CLSTN2: variants seen among roughly 807,000 people sequenced by gnomAD.
The protein encoded by CLSTN2 is calsyntenin-2.
CLSTN2 carries 48 observed loss-of-function variants against 101.2 expected under a neutral mutation model. That is an observed-to-expected ratio of 0.47 (90% CI 0.38 to 0.60). CLSTN2 has a LOEUF of 0.60. Among genes scored for constraint, CLSTN2 ranks in the 20% least tolerant of loss-of-function variants. CLSTN2 has a pLI of 0.00. For missense variants in CLSTN2, 1,160 were observed against 1,238.2 expected (o/e 0.94, Z 0.95); for synonymous variants, 481 against 463.6 (o/e 1.04, Z -0.48).
Position 140,556,628 on chromosome 3 carries a change from G to C in CLSTN2, c.1790G>C (p.Gly597Ala). 1 of 1,614,056 alleles carries C rather than the reference G, an allele frequency of 6.2e-7. No individual in the cohort carries two copies. The highest frequency in any genetic ancestry group is 1.3e-5 in the African/African-American group (1 of 75,026). ...AACTCCAGGCAGTTCCCAACGGCGGGTGTGCGGCGCCTCAAAGTATCCTCC... is the reference window on the plus strand; with the variant it reads ...AACTCCAGGCAGTTCCCAACGGCGGCTGTGCGGCGCCTCAAAGTATCCTCC... ...YINSRQFPTA[G>A]VRRLKVSSKV... The change falls in exon 11 of 17, where the codon GGT becomes GCT. Residue 597 changes from glycine to alanine, a missense_variant. Physicochemically the swap from Gly to Ala is moderately conservative, Grantham distance 60. Coordinates refer to ENST00000458420, the MANE Select transcript of CLSTN2 (RefSeq NM_022131.3).
At chr3:140,439,299 G>C (rs1364680587) in intron 5 of CLSTN2, among the ~76,000 whole-genome samples, 1 of 152,240 alleles carries the variant, frequency 6.6e-6, no homozygotes, top group South Asian at 2.1e-4. Context: ...GAGAGGCCAG[G>C]GAGGAGGGCC....
At chr3:140,245,549 A>C (rs1007080173) in intron 2 of CLSTN2, among the ~76,000 whole-genome samples, 2 of 152,332 alleles carry the variant, frequency 1.3e-5, no homozygotes, top group African/African-American at 4.8e-5. Context: ...CAAATTGTGG[A>C]AGGATAACTG....
chr3:140,119,538 A>G (rs1453854457), intron 1 of CLSTN2, among the ~76,000 whole-genome samples: 1 of 152,186 alleles, frequency 6.6e-6, no homozygotes, highest in Admixed American at 6.5e-5. Flanking sequence ...GTTTTAAGAC[A>G]GGGTCTTGCT....
intron 1 of CLSTN2, among the ~76,000 whole-genome samples, chr3:139,981,066 A>C (rs538973584): frequency 6.6e-6 from 1 of 152,106 alleles, no homozygotes; most frequent in African/African-American, 2.4e-5. Context: ...TTGATTGGGC[A>C]ATCAAAGCTA....
intron 2 of CLSTN2, among the ~76,000 whole-genome samples, chr3:140,373,529 C>T (rs560711336): frequency 6.6e-6 from 1 of 152,212 alleles, no homozygotes; most frequent in Non-Finnish European, 1.5e-5. Flanking sequence ...AGACCAAAAG[C>T]CCAGAACAAA....
intron 1 of CLSTN2, among the ~76,000 whole-genome samples, chr3:140,126,091 A>T (rs1445469975): frequency 3.3e-5 from 5 of 152,130 alleles, no homozygotes; most frequent in Non-Finnish European, 4.4e-5. Context: ...GTTGGTGATG[A>T]TGTATAGCCT....
chr3:140,054,748 C>A (rs2107769991), intron 1 of CLSTN2, among the ~76,000 whole-genome samples: 1 of 152,294 alleles, frequency 6.6e-6, no homozygotes, highest in African/African-American at 2.4e-5. Context: ...GGAGGTCAAC[C>A]AGAGTCTGTT....
chr3:140,565,931 G>A, intron 16 of CLSTN2, 122 bp from the exon 17 acceptor site: 1 of 1,206,168 alleles, frequency 8.3e-7, no homozygotes, highest in Non-Finnish European at 1.2e-6. Context: ...GAAGAGTTTT[G>A]CACTAAAAGA....
At chr3:140,082,540 G>A (rs2008615613) in intron 1 of CLSTN2, among the ~76,000 whole-genome samples, 1 of 152,104 alleles carries the variant, frequency 6.6e-6, no homozygotes, top group Non-Finnish European at 1.5e-5. Context: ...GCCTCCCACT[G>A]TGGCACCCAC....
chr3:140,061,092 C>A (rs1185565373), intron 1 of CLSTN2, among the ~76,000 whole-genome samples: 1 of 152,186 alleles, frequency 6.6e-6, no homozygotes, highest in Non-Finnish European at 1.5e-5. Flanking sequence ...CGAGGCTTTT[C>A]TGATTTCTCC....
intron 2 of CLSTN2, among the ~76,000 whole-genome samples, chr3:140,251,615 T>TTCCTTTCCTTTCCTTTCCTC (rs2086564660): frequency 6.6e-6 from 1 of 150,962 alleles, no homozygotes; most frequent in African/African-American, 2.5e-5. Context: ...TTCCTTTCCT[T>TTCCTTTCCTTTCCTTTCCTC]TCCTTTCCTT....
At chr3:140,417,205 T>C (rs1323652988) in intron 4 of CLSTN2, among the ~76,000 whole-genome samples, 1 of 152,204 alleles carries the variant, frequency 6.6e-6, no homozygotes, top group African/African-American at 2.4e-5. Flanking sequence ...CTATATGTAT[T>C]TTCCCCATCT....
At chr3:140,289,339 TTTG>T (rs2086928517) in intron 2 of CLSTN2, among the ~76,000 whole-genome samples, 1 of 149,842 alleles carries the variant, frequency 6.7e-6, no homozygotes. Flanking sequence ...TTTTTTTTTG[TTTG>T]TTTGTTTGTT....
intron 7 of CLSTN2, chr3:140,460,365 T>C (rs1933530056): frequency 6.4e-6 from 1 of 157,404 alleles, no homozygotes; most frequent in Admixed American, 5.9e-5. Flanking sequence ...TTAGCCTTTC[T>C]GTGTCTCACT....
intron 10 of CLSTN2, among the ~76,000 whole-genome samples, chr3:140,556,178 G>A (rs534343204): frequency 3.8e-4 from 58 of 152,266 alleles, no homozygotes; most frequent in South Asian, 2.3e-3. Context: ...CAGACCACCC[G>A]GCTAGCACAG....
rs114042337 is a variant in CLSTN2, at chr3:139,943,807, G to A, written c.109+8324G>A. On this transcript the variant is annotated intron_variant, in intron 1 of 16. Coordinates refer to ENST00000458420, the MANE Select transcript of CLSTN2 (RefSeq NM_022131.3). ...CCATCCCAACCATAACCTCAGTTAG[G>A]GGCTCAGGCATTCACAGAGCAAAGG... Among the ~76,000 whole-genome samples the A allele has an allele frequency of 2.4e-3, 362 of 152,260 alleles. 1 individual carries two copies. The highest frequency in any genetic ancestry group is 8.4e-3 in the African/African-American group (350 of 41,556).
At chr3:140,338,232 T>C (rs2087461247) in intron 2 of CLSTN2, among the ~76,000 whole-genome samples, 1 of 152,134 alleles carries the variant, frequency 6.6e-6, no homozygotes, top group Non-Finnish European at 1.5e-5. Flanking sequence ...TCCCCTCTCC[T>C]TTAAGAAACT....
intron 2 of CLSTN2, among the ~76,000 whole-genome samples, chr3:140,275,113 C>A (rs2086781368): frequency 6.6e-6 from 1 of 152,156 alleles, no homozygotes; most frequent in African/African-American, 2.4e-5. Flanking sequence ...AGTTTCCTAG[C>A]CTCAGATCGG....
At chr3:140,047,175 A>G (rs570317433) in intron 1 of CLSTN2, among the ~76,000 whole-genome samples, 2 of 152,328 alleles carry the variant, frequency 1.3e-5, no homozygotes, top group East Asian at 1.9e-4. Context: ...GGGGCCACAC[A>G]TCAATCTGAG....
Sources: allele counts gnomAD v4.1 joint callset (sites outside exome capture counted in the v4.1 genomes callset), GRCh38; gene constraint gnomAD v4.1.1; transcripts MANE v1.5; gene names NCBI Gene and HGNC (gene_info 2026-07-23, HGNC 2026-07-21).